Variants in DIS3L observed in about 807,000 individuals in gnomAD.
The protein encoded by DIS3L is DIS3 like exosome 3'-5' exoribonuclease.
Under a neutral mutation model 120.3 loss-of-function variants are expected in DIS3L, and 100 were observed. The ratio of observed to expected loss-of-function variants is 0.83; its 90% CI spans 0.71 to 0.98. The LOEUF is 0.98. DIS3L is among the 50% of genes least tolerant of loss of function. The pLI is 0.00. For synonymous variants in DIS3L, 426 were observed against 470.6 expected, an observed-to-expected ratio of 0.91 and a Z score of 1.23; for missense variants, 1,196 against 1,314.2, an observed-to-expected ratio of 0.91 and a Z score of 1.39.
At chr15:66,299,894 C>CA (rs1457217851) in intron 2 of DIS3L, among the ~76,000 whole-genome samples, 1 of 151,850 alleles carries the variant, frequency 6.6e-6, no homozygotes, top group Non-Finnish European at 1.5e-5. Context: ...TACTAAAATA[C>CA]AAAAAATTAG....
intron 14 of DIS3L, chr15:66,330,307 A>G (rs1054439427): frequency 3.0e-5 from 30 of 985,154 alleles, no homozygotes; most frequent in South Asian, 2.4e-4. Flanking sequence ...AAAAAAAAAA[A>G]TCACACCGTG....
At chr15:66,293,444 C>T (rs2092543195), upstream of DIS3L, 11 of 1,201,112 alleles carry the variant, frequency 9.2e-6, no homozygotes, top group Non-Finnish European at 1.1e-5. Flanking sequence ...AGGGCCGGGC[C>T]CCAGCCTGGA....
At chr15:66,302,306 G>A (rs1301178853) in intron 2 of DIS3L, among the ~76,000 whole-genome samples, 1 of 152,118 alleles carries the variant, frequency 6.6e-6, no homozygotes, top group Non-Finnish European at 1.5e-5. Context: ...GTTTGAGGCT[G>A]CAGGGAGCCA....
At chr15:66,304,179 G>A (rs2140333996) in intron 2 of DIS3L, among the ~76,000 whole-genome samples, 1 of 151,914 alleles carries the variant, frequency 6.6e-6, no homozygotes, top group East Asian at 1.9e-4. Context: ...ATCCAGGCAT[G>A]GTGGCTCACA....
At chr15:66,304,038 C>T (rs1325767770) in intron 2 of DIS3L, among the ~76,000 whole-genome samples, 4 of 137,172 alleles carry the variant, frequency 2.9e-5, no homozygotes, top group South Asian at 2.3e-4. Context: ...TGCAGTGAGC[C>T]GAGATTGTGC....
rs748277287 is a variant in DIS3L at position 66,306,907 on chromosome 15, A to G, written c.377A>G (p.Tyr126Cys). The change falls in exon 3 of 17, where the codon TAT (tyrosine) becomes TGT (cysteine). Residue 126 changes from tyrosine to cysteine, a missense_variant. Transcript: ENST00000319212. ...GCTAATGAATTCCAGCAATGCTGCTATCTGCCACGGGAAAGAGGAGAGTCC... is the reference window on the plus strand; with the variant it reads ...GCTAATGAATTCCAGCAATGCTGCTGTCTGCCACGGGAAAGAGGAGAGTCC... ...LFANEFQQCC[Y>C]LPRERGESME... 4 of 1,614,046 alleles carry G rather than the reference A, an allele frequency of 2.5e-6. No homozygotes were observed. The highest frequency in any genetic ancestry group is 1.3e-5 in the African/African-American group (1 of 74,956).
chr15:66,320,553 T>C lies in DIS3L; in HGVS notation c.1165-18T>C. The C allele has an allele frequency of 6.2e-7, 1 of 1,604,660 alleles. No homozygotes were observed. Among genetic ancestry groups the C allele is most frequent in the South Asian group, 1.1e-5 (1 of 89,280 alleles). On this transcript the variant is annotated intron_variant, in intron 8 of 16. Coordinates refer to ENST00000319212, the MANE Select transcript of DIS3L (RefSeq NM_001143688.3). Reference sequence around the variant, plus strand: ...ACTCCTGGTGCTCAGCTGTGTTTTATTTTTTCCTTTTGTGCAGGACTTCAG... The same window carrying C: ...ACTCCTGGTGCTCAGCTGTGTTTTACTTTTTCCTTTTGTGCAGGACTTCAG...
intron 14 of DIS3L, among the ~76,000 whole-genome samples, chr15:66,330,750 CA>C (rs2092990846): frequency 6.6e-6 from 1 of 152,142 alleles, no homozygotes; most frequent in African/African-American, 2.4e-5. Flanking sequence ...CTGTTCTAAG[CA>C]ATCAAATTTA....
chr15:66,295,192 T>A, intron 2 of DIS3L, 51 bp downstream of exon 2: 2 of 1,549,018 alleles, frequency 1.3e-6, no homozygotes, highest in Non-Finnish European at 1.8e-6. Context: ...CCCCCCACCT[T>A]AGAAAAGGTC....
intron 11 of DIS3L, 126 bp downstream of exon 11, chr15:66,323,711 C>G (rs2092909733): frequency 1.1e-6 from 1 of 934,480 alleles, no homozygotes; most frequent in Non-Finnish European, 1.7e-6. Context: ...CCCCTCTGAC[C>G]TCTCAACCTC....
chr15:66,313,239 C>G (rs1186855518), intron 5 of DIS3L, among the ~76,000 whole-genome samples: 1 of 151,892 alleles, frequency 6.6e-6, no homozygotes, highest in Non-Finnish European at 1.5e-5. Context: ...CGTGATCCAC[C>G]CACCTCAGCC....
At chr15:66,313,115 C>A (rs1446101143) in intron 5 of DIS3L, among the ~76,000 whole-genome samples, 1 of 152,070 alleles carries the variant, frequency 6.6e-6, no homozygotes, top group Non-Finnish European at 1.5e-5. Flanking sequence ...TCTGCCTCAG[C>A]CTCCTGAGTA....
chr15:66,318,941 C>T (rs538588096), intron 8 of DIS3L, among the ~76,000 whole-genome samples: 4 of 152,072 alleles, frequency 2.6e-5, no homozygotes, highest in Admixed American at 6.5e-5. Context: ...TACAGGCTCC[C>T]GCCACCACGC....
At position 66,333,317 on chromosome 15, in the gene DIS3L, C is replaced by T; in HGVS notation, c.*5C>T. The T allele has an allele frequency of 6.3e-7, 1 of 1,583,830 alleles. No individual in the cohort carries two copies. The highest frequency in any genetic ancestry group is 8.6e-7 in the Non-Finnish European group (1 of 1,169,038). ...TCAAACAATTATGGAATATGAGAGG[C>T]TCTTACTTCACTAAGAGCTGTCATA... On this transcript the variant is annotated 3_prime_UTR_variant, in exon 17 of 17. Coordinates refer to ENST00000319212, the MANE Select transcript of DIS3L (RefSeq NM_001143688.3).
In DIS3L at chr15:66,333,069, C is replaced by T. The variant is rs1566964938; in HGVS notation, c.2922C>T (p.Asn974=). Residue 974 remains asparagine (N), a synonymous_variant, in exon 17 of 17, where the codon AAC becomes AAT. Transcript: ENST00000319212. ...CAATCAGACTTGAAATAATTAGTAA[C>T]AAACCATACAAGATACCAAATACAG... The part of the protein sequence containing the change: ...SDTIRLEIIS[N]KPYKIPNTEL... 6.2e-7 allele frequency: 1 copy of T among 1,613,250 alleles called. No homozygotes were observed. Among genetic ancestry groups the T allele is most frequent in the Non-Finnish European group, 8.5e-7 (1 of 1,179,994 alleles).
chr15:66,309,094 A>AAAATATATATATATATATATATAT lies in DIS3L; in HGVS notation c.558+251_558+252insAATATATATATATATATATATATA. Among the ~76,000 whole-genome samples the AAAATATATATATATATATATATAT allele has an allele frequency of 6.5e-4, 10 of 15,304 alleles. 1 individual carries two copies. Among genetic ancestry groups the AAAATATATATATATATATATATAT allele is most frequent in the East Asian group, 5.1e-3 (1 of 196 alleles). 10.0% of individuals were successfully genotyped at this position (15,304 alleles called of 152,430 possible). On this transcript the variant is annotated intron_variant, in intron 4 of 16. Transcript: ENST00000319212. ...CTTGTCTCTACAGAAAAAAAAAAAA[A>AAAATATATATATATATATATATAT]ATATATATATCTCCAAGCATGGTGG...
intron 2 of DIS3L, among the ~76,000 whole-genome samples, chr15:66,298,781 A>G (rs1462353056): frequency 2.0e-5 from 3 of 152,238 alleles, no homozygotes; most frequent in Admixed American, 2.0e-4. Flanking sequence ...TGTTTTGTCC[A>G]CCATGTTCAT....
chr15:66,297,047 G>C (rs75003417), intron 2 of DIS3L, among the ~76,000 whole-genome samples: 1,987 of 152,336 alleles, frequency 0.013, 19 homozygotes, highest in Middle Eastern at 0.031. Flanking sequence ...TATGATTGAA[G>C]AAGAGGAAGA....
At chr15:66,328,302 C>G (rs1161080524) in intron 12 of DIS3L, among the ~76,000 whole-genome samples, 1 of 152,162 alleles carries the variant, frequency 6.6e-6, no homozygotes, top group Non-Finnish European at 1.5e-5. Flanking sequence ...TTTCTCCTTT[C>G]CCCCTTTTCC....
Sources: allele counts gnomAD v4.1 joint callset (sites outside exome capture counted in the v4.1 genomes callset), GRCh38; gene constraint gnomAD v4.1.1; transcripts MANE v1.5; gene names NCBI Gene and HGNC (gene_info 2026-07-23, HGNC 2026-07-21).